Variants in SCAI observed in about 807,000 individuals in gnomAD.
The protein encoded by SCAI is protein SCAI.
A neutral mutation model predicts 92.2 loss-of-function variants in SCAI; 24 were observed. That is an observed-to-expected ratio of 0.26 (90% CI 0.19 to 0.37). The LOEUF (loss-of-function observed/expected upper bound fraction) is 0.37. Among genes scored for constraint, SCAI ranks in the 10% least tolerant of loss-of-function variants. The pLI is 1.00. For synonymous variants in SCAI, 261 were observed against 258.6 expected (o/e 1.01, Z -0.09); for missense variants, 450 against 736.2 (o/e 0.61, Z 4.50).
chr9:124,955,546 G>A (rs1238006150), intron 17 of SCAI, among the ~76,000 whole-genome samples: 3 of 151,626 alleles, frequency 2.0e-5, no homozygotes, highest in Non-Finnish European at 4.4e-5. Context: ...GCTTGAACCC[G>A]GGAGGCAGAG....
At chr9:124,964,382 T>G (rs75156422) in intron 17 of SCAI, among the ~76,000 whole-genome samples, 1,722 of 152,310 alleles carry the variant, frequency 0.011, 89 homozygotes, top group Admixed American at 0.083. Context: ...CATGATTTCC[T>G]TGATTGTCAC....
rs566756677 is a variant in SCAI, at chr9:125,079,093, T to C, written c.99-23086A>G. Among the ~76,000 whole-genome samples, 3 of 152,288 alleles carry C rather than the reference T, an allele frequency of 2.0e-5. No homozygotes were observed. The South Asian group carries it at 6.2e-4, about 32-fold the overall frequency. On this transcript the variant is annotated intron_variant, in intron 2 of 17. Transcript: ENST00000336505. ...GCTTTTCTTGCAATTACTTGATTCA[T>C]CTATTTCTGATATTCATCTATTTTG...
At chr9:125,061,983 C>G (rs898646836) in intron 2 of SCAI, among the ~76,000 whole-genome samples, 1 of 151,722 alleles carries the variant, frequency 6.6e-6, no homozygotes, top group South Asian at 2.1e-4. Flanking sequence ...ATGTGTTTTA[C>G]AGAAGAATGG....
At chr9:124,996,066 T>A (rs1309244218) in intron 13 of SCAI, among the ~76,000 whole-genome samples, 3 of 152,150 alleles carry the variant, frequency 2.0e-5, no homozygotes, top group Non-Finnish European at 2.9e-5. Context: ...ATAAAAGTTT[T>A]TCTTTTATTG....
At chr9:124,967,839 A>C (rs1361819041) in intron 17 of SCAI, among the ~76,000 whole-genome samples, 1 of 152,198 alleles carries the variant, frequency 6.6e-6, no homozygotes, top group African/African-American at 2.4e-5. Flanking sequence ...CTTTGAAAGA[A>C]GCCCAGGAAC....
Position 125,015,828 on chromosome 9 carries a change from C to T in SCAI, c.861+2971G>A, listed in dbSNP as rs552714586. Among the ~76,000 whole-genome samples the T allele has an allele frequency of 6.4e-3, 966 of 152,118 alleles. 13 individuals are homozygous for T. The highest frequency in any genetic ancestry group is 0.022 in the African/African-American group (903 of 41,486). On this transcript the variant is annotated intron_variant, in intron 9 of 17. Coordinates refer to ENST00000336505, the MANE Select transcript of SCAI (RefSeq NM_001144877.3). ...GGATTAAGAAAATGTGGCACATATA[C>T]ACCATGGAATACTATGCGGCCATAA...
At chr9:125,139,606 A>G (rs2131277071) in intron 2 of SCAI, among the ~76,000 whole-genome samples, 1 of 152,360 alleles carries the variant, frequency 6.6e-6, no homozygotes, top group South Asian at 2.1e-4. Flanking sequence ...CGATATGGCC[A>G]AAGTATTAAC....
At chr9:125,110,361 T>C (rs1295888673) in intron 2 of SCAI, among the ~76,000 whole-genome samples, 1 of 152,168 alleles carries the variant, frequency 6.6e-6, no homozygotes, top group Non-Finnish European at 1.5e-5. Flanking sequence ...ATTTTAAAAA[T>C]TAGCTGGGGA....
chr9:125,129,487 A>G (rs888006431), intron 2 of SCAI, among the ~76,000 whole-genome samples: 3 of 117,164 alleles, frequency 2.6e-5, no homozygotes, highest in African/African-American at 1.0e-4. Context: ...TTTTTGAGAC[A>G]GAGCCTCACT....
chr9:124,974,280 C>CA (rs577939402), intron 15 of SCAI: 2,690 of 361,210 alleles, frequency 7.4e-3, no homozygotes, highest in South Asian at 0.01. Flanking sequence ...CCAGTCCCTA[C>CA]AAAAAAAAAA....
intron 17 of SCAI, among the ~76,000 whole-genome samples, chr9:124,959,187 A>G (rs1564357314): frequency 6.6e-6 from 1 of 151,222 alleles, no homozygotes; most frequent in African/African-American, 2.4e-5. Context: ...CAGCACACCA[A>G]CATGGCACAT....
At chr9:125,132,835 C>T (rs184383287) in intron 2 of SCAI, among the ~76,000 whole-genome samples, 30 of 152,158 alleles carry the variant, frequency 2.0e-4, no homozygotes, top group African/African-American at 6.0e-4. Flanking sequence ...CATGGTGGCA[C>T]GCGCCTGTAA....
chr9:125,011,541 C>A (rs1197838422), intron 9 of SCAI, among the ~76,000 whole-genome samples: 1 of 152,126 alleles, frequency 6.6e-6, no homozygotes, highest in Non-Finnish European at 1.5e-5. Context: ...TGTGAAAAGA[C>A]CAAATCTACG....
chr9:124,953,020 A>G (rs1831255181), intron 17 of SCAI, 67 bp from the exon 18 acceptor site: 1 of 1,300,344 alleles, frequency 7.7e-7, no homozygotes, highest in Non-Finnish European at 1.1e-6. Context: ...CACATTGATA[A>G]CAGTGTCAAG....
intron 9 of SCAI, among the ~76,000 whole-genome samples, chr9:125,004,765 A>C: frequency 1.4e-4 from 1 of 7,322 alleles, no homozygotes; most frequent in Non-Finnish European, 2.9e-4. Flanking sequence ...ATATATATAT[A>C]TATATATATA....
Position 124,994,955 on chromosome 9 carries a change from C to T in SCAI, c.1305G>A (p.Ser435=), listed in dbSNP as rs750086633. 6.2e-6 allele frequency: 10 copies of T among 1,612,642 alleles called. No homozygotes were observed. Among genetic ancestry groups the T allele is most frequent in the African/African-American group, 2.7e-5 (2 of 75,034 alleles). ...TRKPLFIIVD[S]SNSVAYKNFT... is the part of the protein sequence containing the mutation. Reference sequence around the variant, plus strand: ...TCACCTTATACGCAACACTATTAGACGAATCCACAATGATGAACAGTGGCT... The same window carrying T: ...TCACCTTATACGCAACACTATTAGATGAATCCACAATGATGAACAGTGGCT... Residue 435 remains serine (S), a synonymous_variant, in exon 14 of 18, where the codon TCG becomes TCA. Transcript: ENST00000336505.
At chr9:125,021,411 T>C (rs1487657521) in intron 6 of SCAI, among the ~76,000 whole-genome samples, 1 of 152,206 alleles carries the variant, frequency 6.6e-6, no homozygotes, top group Non-Finnish European at 1.5e-5. Flanking sequence ...TGTTGTGCTT[T>C]CTCTTCGGTT....
At position 125,039,269 on chromosome 9, in the gene SCAI, C is replaced by A. The variant is rs935762363; in HGVS notation, c.231-9530G>T. On this transcript the variant is annotated intron_variant, in intron 3 of 17. Transcript: ENST00000336505. The stretch of plus-strand genomic sequence containing the variant: ...AGGCGTGGTGGCATGCGTCTGCAGT[C>A]CCAGCCACTCGGGAGGCTGAGGCCG... 5.9e-5 allele frequency among the ~76,000 whole-genome samples: 9 copies of A among 151,914 alleles called. No homozygotes were observed. In the South Asian group the frequency reaches 1.7e-3, roughly 28 times the overall value.
intron 17 of SCAI, among the ~76,000 whole-genome samples, chr9:124,967,159 T>C (rs966344001): frequency 6.6e-6 from 1 of 152,172 alleles, no homozygotes; most frequent in Non-Finnish European, 1.5e-5. Context: ...CCAATAAGTG[T>C]ACAATAAAGG....
Sources: gnomAD v4.1 joint callset for allele counts (sites outside exome capture counted in the v4.1 genomes callset) on GRCh38, gnomAD v4.1.1 for gene constraint, MANE v1.5 for transcripts, NCBI Gene and HGNC (gene_info 2026-07-23, HGNC 2026-07-21) for gene names.